The following SPPL2A variants were observed in gnomAD, a reference collection of about 807,000 sequenced individuals.
The protein encoded by SPPL2A is signal peptide peptidase like 2A, also known as signal peptide peptidase-like 2A.
SPPL2A carries 51 observed loss-of-function variants against 63.8 expected under a neutral mutation model. The ratio of observed to expected loss-of-function variants is 0.80; its 90% CI spans 0.64 to 1.01. The LOEUF (loss-of-function observed/expected upper bound fraction) is 1.01, where lower values mean the gene tolerates loss of function less well. Among genes scored for constraint, SPPL2A ranks in the 50% least tolerant of loss-of-function variants. The pLI is 0.00. For missense variants in SPPL2A, 553 were observed against 622.7 expected (o/e 0.89, Z 1.19); for synonymous variants, 188 against 205.8 (o/e 0.91, Z 0.74).
At chr15:50,722,405 A>C (rs1304651509) in intron 12 of SPPL2A, among the ~76,000 whole-genome samples, 1 of 152,244 alleles carries the variant, frequency 6.6e-6, no homozygotes, top group Non-Finnish European at 1.5e-5. Flanking sequence ...CAAGCTATTA[A>C]ATAGTTTTTA....
chr15:50,720,080 G>A lies in SPPL2A; in HGVS notation c.1348C>T (p.Leu450Phe). The change falls in exon 14 of 15, where the codon CTT becomes TTT. Residue 450 changes from leucine (L) to phenylalanine (F), a missense_variant. Transcript: ENST00000261854. ...STVAYAIGMI[L>F]TFVVLVLMKK... Reference sequence around the variant, plus strand: ...ATCAGCACCAGAACAACAAATGTAAGTATCATGCCAATAGCATAGGCTGCA... The same window carrying A: ...ATCAGCACCAGAACAACAAATGTAAATATCATGCCAATAGCATAGGCTGCA... The A allele has an allele frequency of 6.2e-7, 1 of 1,612,316 alleles. No homozygotes were observed. The highest frequency in any genetic ancestry group is 8.5e-7 in the Non-Finnish European group (1 of 1,179,530).
chr15:50,732,767 C>A, intron 8 of SPPL2A, 83 bp from the exon 9 acceptor site: 1 of 760,942 alleles, frequency 1.3e-6, no homozygotes, highest in Non-Finnish European at 2.2e-6. Context: ...GAGGTAATAT[C>A]ATTTAATTGC....
intron 14 of SPPL2A, among the ~76,000 whole-genome samples, chr15:50,713,891 T>A (rs897404651): frequency 2.0e-5 from 3 of 152,176 alleles, no homozygotes; most frequent in Non-Finnish European, 2.9e-5. Flanking sequence ...ACAGCACCTA[T>A]AAGCAATCTG....
intron 4 of SPPL2A, 65 bp from the exon 5 acceptor site, chr15:50,747,693 A>G (rs1388952603): frequency 1.0e-5 from 12 of 1,170,742 alleles, no homozygotes; most frequent in Non-Finnish European, 1.4e-5. Flanking sequence ...CATAACAGCA[A>G]TAGTCCACAT....
chr15:50,708,849 C>T (rs1251650178), intron 14 of SPPL2A, among the ~76,000 whole-genome samples: 1 of 151,666 alleles, frequency 6.6e-6, no homozygotes. Flanking sequence ...CTGGCTAACA[C>T]AGTGAAACCC....
intron 5 of SPPL2A, 63 bp from the exon 6 acceptor site, chr15:50,739,891 C>T (rs2062805307): frequency 9.8e-7 from 1 of 1,017,170 alleles, no homozygotes; most frequent in East Asian, 2.9e-5. Context: ...AAAAATTTAT[C>T]TCTAACACCA....
chr15:50,748,883 A>G lies in SPPL2A; in HGVS notation c.178-13T>C, dbSNP rs781174782. On this transcript the variant is annotated splice_polypyrimidine_tract_variant and intron_variant, in intron 2 of 14. Transcript: ENST00000261854. ...AACTAATGGAAGTCTGAAAATAAGA[A>G]ATGTCTTTTTAACATGTTAAAAATC... 1.3e-6 allele frequency: 2 copies of G among 1,539,102 alleles called. No individual in the cohort carries two copies. The highest frequency in any genetic ancestry group is 2.8e-5 in the African/African-American group (2 of 70,962).
intron 14 of SPPL2A, among the ~76,000 whole-genome samples, chr15:50,711,204 TCC>T (rs72290009): frequency 0.061 from 8,913 of 145,516 alleles, 954 homozygotes; most frequent in African/African-American, 0.21. Flanking sequence ...CAAATTAGTA[TCC>T]TTTTTTTTTT....
chr15:50,711,360 C>G (rs1201936039), intron 14 of SPPL2A, among the ~76,000 whole-genome samples: 2 of 151,984 alleles, frequency 1.3e-5, no homozygotes, highest in African/African-American at 4.8e-5. Context: ...CAGGCACACG[C>G]CACCACGCCT....
chr15:50,763,513 T>C (rs1001146246), intron 1 of SPPL2A, among the ~76,000 whole-genome samples: 2 of 152,192 alleles, frequency 1.3e-5, no homozygotes, highest in Non-Finnish European at 2.9e-5. Flanking sequence ...TAGAAAAATG[T>C]TACTTAATCT....
At chr15:50,726,440 A>G in intron 10 of SPPL2A, 63 bp from the exon 11 acceptor site, 7 of 1,482,356 alleles carry the variant, frequency 4.7e-6, no homozygotes, top group Non-Finnish European at 6.6e-6. Context: ...CCACTATTCA[A>G]GTGTGATTTA....
In SPPL2A at chr15:50,765,674, C is replaced by T. The variant is rs985080192; in HGVS notation, c.-141G>A. ...GGCGGCCGGGCTACGACTGGACCGC[C>T]GCTGCTACAGCGGCCGCCACAGCAG... On this transcript the variant is annotated 5_prime_UTR_variant, in exon 1 of 15. Transcript: ENST00000261854. 1 of 446,782 alleles carries T rather than the reference C, an allele frequency of 2.2e-6. No individual in the cohort carries two copies. Among genetic ancestry groups the T allele is most frequent in the Non-Finnish European group, 3.7e-6 (1 of 267,834 alleles). 27.7% of individuals were successfully genotyped at this position (446,782 alleles called of 1,614,324 possible).
intron 1 of SPPL2A, among the ~76,000 whole-genome samples, chr15:50,763,038 C>T (rs1163097336): frequency 6.6e-6 from 1 of 151,872 alleles, no homozygotes; most frequent in Non-Finnish European, 1.5e-5. Flanking sequence ...CCACCACGCC[C>T]GGACAAGTAG....
chr15:50,722,302 T>G (rs931240957), intron 12 of SPPL2A, 101 bp from the exon 13 acceptor site: 1 of 671,138 alleles, frequency 1.5e-6, no homozygotes, highest in African/African-American at 1.8e-5. Flanking sequence ...TCTTCATTGT[T>G]GCATTATAAG....
At chr15:50,755,616 A>G in intron 1 of SPPL2A, among the ~76,000 whole-genome samples, 1 of 133,296 alleles carries the variant, frequency 7.5e-6, no homozygotes. Flanking sequence ...TGACAGAAGG[A>G]CACCCTGTCT....
intron 1 of SPPL2A, among the ~76,000 whole-genome samples, chr15:50,755,096 G>A (rs1231575149): frequency 6.6e-6 from 1 of 152,238 alleles, no homozygotes; most frequent in African/African-American, 2.4e-5. Context: ...TAGGCAGGAG[G>A]ATCACGAGGT....
chr15:50,726,087 C>T (rs1003487342), intron 11 of SPPL2A: 7 of 1,493,312 alleles, frequency 4.7e-6, no homozygotes. Flanking sequence ...TCATGGGGAG[C>T]TGAGGGTTGA....
rs1326047998 is a variant in SPPL2A at position 50,703,172 on chromosome 15, C to T, written c.*4628G>A. On this transcript the variant is annotated 3_prime_UTR_variant, in exon 15 of 15. Transcript: ENST00000261854. ...CCTCAAACTCCTGGGCTCAAGGGAC[C>T]CTCCCATCTCAGCCAGTACATTCCA... 1 of 150,496 alleles carries T rather than the reference C, an allele frequency of 6.6e-6. No homozygotes were observed. The highest frequency in any genetic ancestry group is 2.0e-4 in the East Asian group (1 of 5,116). 9.3% of individuals were successfully genotyped at this position (150,496 alleles called of 1,614,324 possible). A position where few individuals can be genotyped will look rare whatever the true frequency, so the allele number is the denominator to read the frequency against.
At chr15:50,748,047 T>C (rs887452589) in intron 4 of SPPL2A, 66 bp downstream of exon 4, 14 of 654,252 alleles carry the variant, frequency 2.1e-5, no homozygotes, top group Non-Finnish European at 3.3e-5. Context: ...AAATTAAACA[T>C]TAGTGATTAA....
Sources: allele counts gnomAD v4.1 joint callset (sites outside exome capture counted in the v4.1 genomes callset), GRCh38; gene constraint gnomAD v4.1.1; transcripts MANE v1.5; gene names NCBI Gene and HGNC (gene_info 2026-07-23, HGNC 2026-07-21).